The following FBRSL1 variants were observed in gnomAD, a reference collection of about 807,000 sequenced individuals.
FBRSL1 encodes fibrosin-1-like protein.
A neutral mutation model predicts 89.6 loss-of-function variants in FBRSL1; 51 were observed. That is an observed-to-expected ratio of 0.57 (90% CI 0.45 to 0.72). The LOEUF (loss-of-function observed/expected upper bound fraction) is 0.72, where lower values mean the gene tolerates loss of function less well. Ranked by LOEUF, FBRSL1 falls within the 30% of genes least tolerant of loss-of-function variation. FBRSL1 has a pLI of 0.00. For synonymous variants in FBRSL1, 779 were observed against 681.1 expected, an observed-to-expected ratio of 1.14 and a Z score of -2.24; for missense variants, 1,618 against 1,451.8, an observed-to-expected ratio of 1.11 and a Z score of -1.86.
rs368683731 is a variant in FBRSL1, at chr12:132,583,088, C to G, written c.2319C>G (p.Pro773=). The change falls in exon 19 of 19, where the codon CCC becomes CCG. Residue 773 remains proline, a synonymous_variant. Coordinates refer to ENST00000680143, the MANE Select transcript of FBRSL1 (RefSeq NM_001367871.1). ...AQSELGRSGA[P]AEREAEPRVK... is the part of the protein sequence containing the mutation. ...GCGAGCTGGGCCGGTCCGGGGCCCC[C>G]GCGGAGCGCGAGGCCGAACCTCGGG... 3 of 1,447,666 alleles carry G rather than the reference C, an allele frequency of 2.1e-6. No homozygotes were observed. The highest frequency in any genetic ancestry group is 6.3e-5 in the East Asian group (2 of 31,900). 89.7% of individuals were successfully genotyped at this position (1,447,666 alleles called of 1,614,324 possible). A position where few individuals can be genotyped will look rare whatever the true frequency, so the allele number is the denominator to read the frequency against.
At chr12:132,503,099 G>GT (rs955507669) in intron 1 of FBRSL1, among the ~76,000 whole-genome samples, 63 of 151,664 alleles carry the variant, frequency 4.2e-4, no homozygotes, top group Middle Eastern at 3.4e-3. Flanking sequence ...GGGCCTCACA[G>GT]TGCCCCGCCT....
rs1432977953 is a variant in FBRSL1 at position 132,583,716 on chromosome 12, G to A, written c.2947G>A (p.Gly983Arg). 7.5e-6 allele frequency: 9 copies of A among 1,206,138 alleles called. No homozygotes were observed. In the South Asian group the frequency reaches 2.5e-4, roughly 33 times the overall value. The allele number at this position is 1,206,138 out of a possible 1,614,324, so 74.7% of individuals were successfully genotyped here. A position where few individuals can be genotyped will look rare whatever the true frequency, so the allele number is the denominator to read the frequency against. The change falls in exon 19 of 19, where the codon GGG becomes AGG. Residue 983 changes from glycine (G) to arginine (R), a missense_variant. Gly to Arg is a moderately radical substitution (Grantham distance 125). Coordinates refer to ENST00000680143, the MANE Select transcript of FBRSL1 (RefSeq NM_001367871.1). ...RSRTTPLGGLGPGEARDYSPS... is the reference protein window; with the variant it reads ...RSRTTPLGGLRPGEARDYSPS... ...CCGGACTACTCCGCTGGGGGGCCTC[G>A]GGCCGGGCGAGGCGCGCGACTACTC...
At chr12:132,569,422 G>A (rs1008247481) in intron 6 of FBRSL1, among the ~76,000 whole-genome samples, 4 of 152,112 alleles carry the variant, frequency 2.6e-5, no homozygotes, top group Non-Finnish European at 5.9e-5. Flanking sequence ...AGAAAAGGTG[G>A]TTACAGCTGT....
chr12:132,523,487 C>T (rs919597063), intron 2 of FBRSL1, among the ~76,000 whole-genome samples: 2 of 152,096 alleles, frequency 1.3e-5, no homozygotes, highest in African/African-American at 2.4e-5. Flanking sequence ...GCGCCCAGCC[C>T]TGACCGGAGG....
At chr12:132,507,985 G>A (rs144898154) in intron 1 of FBRSL1, among the ~76,000 whole-genome samples, 168 bp from the exon 2 acceptor site, 26 of 152,188 alleles carry the variant, frequency 1.7e-4, no homozygotes, top group African/African-American at 5.8e-4. Flanking sequence ...ACCTGCCATC[G>A]TCCTTCCCCT....
intron 5 of FBRSL1, among the ~76,000 whole-genome samples, chr12:132,549,415 G>A (rs943502391): frequency 1.3e-5 from 2 of 152,188 alleles, no homozygotes; most frequent in Non-Finnish European, 2.9e-5. Flanking sequence ...TTCCGCGCCC[G>A]AACCGTGACG....
intron 6 of FBRSL1, 140 bp from the exon 7 acceptor site, chr12:132,569,786 C>G: frequency 1.7e-6 from 1 of 590,872 alleles, no homozygotes; most frequent in Non-Finnish European, 2.6e-6. Context: ...GCCTCCGTGC[C>G]TGCCTCCTCA....
At chr12:132,520,590 G>A (rs967191768) in intron 2 of FBRSL1, among the ~76,000 whole-genome samples, 10 of 152,190 alleles carry the variant, frequency 6.6e-5, no homozygotes, top group African/African-American at 1.7e-4. Flanking sequence ...GGCTCCTCCC[G>A]ACCAGGGACA....
At chr12:132,519,672 A>G (rs2035172479) in intron 2 of FBRSL1, among the ~76,000 whole-genome samples, 1 of 152,194 alleles carries the variant, frequency 6.6e-6, no homozygotes, top group African/African-American at 2.4e-5. Flanking sequence ...GCACTTTGGG[A>G]GGCCAAGGCA....
intron 2 of FBRSL1, among the ~76,000 whole-genome samples, chr12:132,512,657 G>A (rs1275983339): frequency 6.6e-6 from 1 of 152,260 alleles, no homozygotes; most frequent in Admixed American, 6.5e-5. Flanking sequence ...GTACAGAGGG[G>A]GCCGAGTGAG....
chr12:132,516,897 G>A (rs778114836), intron 2 of FBRSL1, among the ~76,000 whole-genome samples: 12 of 152,170 alleles, frequency 7.9e-5, no homozygotes, highest in East Asian at 1.9e-4. Context: ...ATTTGTTTTC[G>A]GGTTGTTGAG....
intron 14 of FBRSL1, 123 bp from the exon 15 acceptor site, chr12:132,576,676 C>T: frequency 8.7e-7 from 1 of 1,145,246 alleles, no homozygotes; most frequent in South Asian, 1.7e-5. Context: ...CCTTGAAATC[C>T]ATCCCACCTG....
chr12:132,551,758 C>T (rs567078473), intron 5 of FBRSL1: 3 of 363,130 alleles, frequency 8.3e-6, no homozygotes, highest in Non-Finnish European at 1.7e-5. Context: ...GGCTCCTTGG[C>T]AGCTGACGGG....
intron 2 of FBRSL1, among the ~76,000 whole-genome samples, chr12:132,508,882 G>A (rs1489425021): frequency 6.6e-6 from 1 of 152,156 alleles, no homozygotes; most frequent in Non-Finnish European, 1.5e-5. Flanking sequence ...CCTGCCCAGG[G>A]GCCTCCTGCC....
intron 4 of FBRSL1, among the ~76,000 whole-genome samples, chr12:132,542,734 G>A (rs1427640332): frequency 6.6e-6 from 1 of 152,250 alleles, no homozygotes; most frequent in Non-Finnish European, 1.5e-5. Flanking sequence ...GCCTGGTCGG[G>A]GCCAGACACT....
chr12:132,582,574 G>T (rs1010800832), intron 18 of FBRSL1, among the ~76,000 whole-genome samples: 8 of 152,064 alleles, frequency 5.3e-5, no homozygotes, highest in African/African-American at 1.9e-4. Flanking sequence ...GGGCTAGGAA[G>T]GATGAGGAGG....
At chr12:132,536,877 A>G (rs529800278) in intron 4 of FBRSL1, among the ~76,000 whole-genome samples, 1 of 152,376 alleles carries the variant, frequency 6.6e-6, no homozygotes, top group Non-Finnish European at 1.5e-5. Flanking sequence ...ACATAAATGT[A>G]TGTGGCTGTG....
At chr12:132,554,345 G>C (rs1430625970) in intron 5 of FBRSL1, 2 of 152,350 alleles carry the variant, frequency 1.3e-5, no homozygotes, top group African/African-American at 4.8e-5. Flanking sequence ...GGCCCAGCTG[G>C]GGGCGTCACT....
At chr12:132,573,588 C>T (rs761612068) in intron 11 of FBRSL1, among the ~76,000 whole-genome samples, 7 of 152,210 alleles carry the variant, frequency 4.6e-5, no homozygotes, top group Non-Finnish European at 8.8e-5. Context: ...GAATCTGTCC[C>T]GGCCGCACCC....
Sources: allele counts gnomAD v4.1 joint callset (sites outside exome capture counted in the v4.1 genomes callset), GRCh38; gene constraint gnomAD v4.1.1; transcripts MANE v1.5; gene names NCBI Gene and HGNC (gene_info 2026-07-23, HGNC 2026-07-21).